The following TIMM17B variants were observed in gnomAD, a reference collection of about 807,000 sequenced individuals.
The protein encoded by TIMM17B is translocase of inner mitochondrial membrane 17B.
TIMM17B carries 10 observed loss-of-function variants against 15.9 expected under a neutral mutation model. The ratio of observed to expected loss-of-function variants is 0.63; its 90% CI spans 0.39 to 1.06. The LOEUF (loss-of-function observed/expected upper bound fraction) is 1.06. Among genes scored for constraint, TIMM17B ranks in the 50% least tolerant of loss-of-function variants. The pLI, the probability that TIMM17B is intolerant of heterozygous loss-of-function variation, is 0.01. For missense variants in TIMM17B, 114 were observed against 152.2 expected, an observed-to-expected ratio of 0.75 and a Z score of 1.32; for synonymous variants, 57 against 57.2, an observed-to-expected ratio of 1.00 and a Z score of 0.02.
chrX:48,897,633 G>A (rs956971670), intron 2 of TIMM17B, 91 bp downstream of exon 1: 222 of 725,560 alleles, frequency 3.1e-4, no homozygotes, highest in Non-Finnish European at 4.3e-4. Context: ...CTGGTACATG[G>A]CTCTGTGCGG....
At chrX:48,897,153 T>C (rs887480830) in intron 2 of TIMM17B, 6 of 416,043 alleles carry the variant, frequency 1.4e-5, no homozygotes, top group Non-Finnish European at 2.3e-5. Context: ...ACACGCAGAG[T>C]TGACGTTTCA....
intron 2 of TIMM17B, chrX:48,897,148 C>T (rs1483581522): frequency 2.3e-6 from 1 of 428,395 alleles, no homozygotes; most frequent in African/African-American, 2.5e-5. Context: ...TTGGCACACG[C>T]AGAGTTGACG....
intron 3 of TIMM17B, 74 bp from the exon 3 acceptor site, chrX:48,895,175 GGAA>G (rs1245615451): frequency 9.3e-6 from 8 of 860,459 alleles, no homozygotes; most frequent in African/African-American, 8.1e-5. Flanking sequence ...TTTAAGAGAG[GGAA>G]GAAGATGGGA....
chrX:48,897,810 G>A (rs1420618394), exon 2 of TIMM17B: 18 of 1,189,040 alleles, frequency 1.5e-5, no homozygotes, highest in Non-Finnish European at 2.0e-5. Context: ...CACCGGCGTC[G>A]GAGCTTTCCG....
exon 1 of TIMM17B, chrX:48,898,103 C>G (rs1437629705): frequency 9.8e-7 from 1 of 1,017,083 alleles, no homozygotes; most frequent in African/African-American, 2.0e-5. Context: ...GGTGGGTGCA[C>G]TCTTTTGGAG....
intron 3 of TIMM17B, chrX:48,895,851 C>T (rs2063304664): frequency 5.5e-6 from 1 of 182,877 alleles, no homozygotes. Flanking sequence ...CAGAATCTGC[C>T]TCTAGGTAAA....
intron 4 of TIMM17B, among the ~76,000 whole-genome samples, 173 bp downstream of exon 3, chrX:48,894,865 C>T (rs1264153700): frequency 9.0e-6 from 1 of 111,243 alleles, no homozygotes; most frequent in Non-Finnish European, 1.9e-5. Context: ...GATTTAAACT[C>T]CAGAACCCAC....
intron 2 of TIMM17B, 110 bp from the exon 2 acceptor site, chrX:48,896,968 AAGT>A: frequency 1.8e-6 from 2 of 1,140,394 alleles, no homozygotes; most frequent in Non-Finnish European, 1.2e-6. Context: ...GGAAGTTCCT[AAGT>A]AGGAACAAAC....
exon 7 of TIMM17B, chrX:48,893,789 C>G (rs1557039055): frequency 8.5e-7 from 1 of 1,171,997 alleles, no homozygotes; most frequent in Non-Finnish European, 1.1e-6. Flanking sequence ...TAGGGGGCAG[C>G]TGGCTGGGGT....
rs782326954 is a variant in TIMM17B at position 48,897,808 on chromosome X, T to C, written c.-59A>G. ...CCCCCAGCGTAGACGCACACCGGCG[T>C]CGGAGCTTTCCGCCTATTACCGGGC... On this transcript the variant is annotated 5_prime_UTR_variant, in exon 2 of 7. Transcript: ENST00000376582. The C allele has an allele frequency of 5.9e-6, 7 of 1,191,987 alleles. No individual in the cohort carries two copies. In the East Asian group the frequency reaches 9.1e-5, roughly 15 times the overall value.
At position 48,895,532 on chromosome X, in the gene TIMM17B, C is replaced by T. The variant is rs781844258; in HGVS notation, c.127-431G>A. Reference sequence around the variant, plus strand: ...GAGGAAATGCCATGAAGAAATATGACTGGGGCTGAGGGGTCAGGAAAGGCC... The same window carrying T: ...GAGGAAATGCCATGAAGAAATATGATTGGGGCTGAGGGGTCAGGAAAGGCC... On this transcript the variant is annotated intron_variant, in intron 3 of 6. Transcript: ENST00000376582. 196 of 509,987 alleles carry T rather than the reference C, an allele frequency of 3.8e-4. 1 individual carries two copies. The highest frequency in any genetic ancestry group is 6.4e-4 in the Middle Eastern group (2 of 3,119). 42.0% of individuals were successfully genotyped at this position (509,987 alleles called of 1,213,427 possible).
chrX:48,896,820 G>C (rs200113194), exon 3 of TIMM17B: 4 of 1,210,586 alleles, frequency 3.3e-6, no homozygotes, highest in Admixed American at 2.2e-5. Flanking sequence ...GACACCCATA[G>C]TGAAGGCTCC....
intron 3 of TIMM17B, chrX:48,895,651 C>A: frequency 2.3e-6 from 1 of 426,230 alleles, no homozygotes; most frequent in Non-Finnish European, 4.1e-6. Flanking sequence ...AGGGGAGGGA[C>A]GGGGCTACAT....
At chrX:48,894,699 A>G (rs782287062) in intron 4 of TIMM17B, among the ~76,000 whole-genome samples, 1 of 112,027 alleles carries the variant, frequency 8.9e-6, no homozygotes, top group Non-Finnish European at 1.9e-5. Flanking sequence ...TAAAGTGTTT[A>G]GCATAGCAAC....
At chrX:48,893,652 T>G (rs782582295) in exon 7 of TIMM17B, 2 of 892,563 alleles carry the variant, frequency 2.2e-6, no homozygotes. Flanking sequence ...CAGGGCTAAC[T>G]GGGAGCCAGC....
At chrX:48,896,151 CAAA>C (rs61674746) in intron 3 of TIMM17B, 2 of 35,034 alleles carry the variant, frequency 5.7e-5, no homozygotes, top group Non-Finnish European at 4.7e-5. Context: ...GATGCTGTCT[CAAA>C]AAAAAAAAAA....
exon 5 of TIMM17B, chrX:48,894,203 G>T (rs367759797): frequency 2.8e-5 from 34 of 1,205,804 alleles, no homozygotes; most frequent in Non-Finnish European, 3.8e-5. Flanking sequence ...TGGAGAACAG[G>T]CCCCCCCACA....
At chrX:48,897,931 A>G (rs2063332559) in intron 1 of TIMM17B, 163 bp from the exon 1 acceptor site, 2 of 869,877 alleles carry the variant, frequency 2.3e-6, no homozygotes, top group East Asian at 3.5e-5. Flanking sequence ...AGCGTAGTCC[A>G]GTTACTTTCA....
In TIMM17B at chrX:48,895,519, T is replaced by C. The variant is rs1375867668; in HGVS notation, c.127-418A>G. Reference sequence around the variant, plus strand: ...AATCTGCACTGTAGAGGAAATGCCATGAAGAAATATGACTGGGGCTGAGGG... The same window carrying C: ...AATCTGCACTGTAGAGGAAATGCCACGAAGAAATATGACTGGGGCTGAGGG... On this transcript the variant is annotated intron_variant, in intron 3 of 6. Transcript: ENST00000376582. 5 of 511,200 alleles carry C rather than the reference T, an allele frequency of 9.8e-6. No homozygotes were observed. The African/African-American group carries it at 1.2e-4, about 12-fold the overall frequency. The allele number at this position is 511,200 out of a possible 1,213,427, so 42.1% of individuals were successfully genotyped here. A position where few individuals can be genotyped will look rare whatever the true frequency, so the allele number is the denominator to read the frequency against.
Sources: allele counts gnomAD v4.1 joint callset (sites outside exome capture counted in the v4.1 genomes callset), GRCh38; gene constraint gnomAD v4.1.1; transcripts MANE v1.5; gene names NCBI Gene and HGNC (gene_info 2026-07-23, HGNC 2026-07-21).